The following ATXN10 variants were observed in gnomAD, a reference collection of about 807,000 sequenced individuals.
ATXN10 encodes the protein ataxin-10.
ATXN10 carries 28 observed loss-of-function variants against 52.9 expected under a neutral mutation model. The observed-to-expected ratio is 0.53, with a 90% CI of 0.39 to 0.73. ATXN10 has a LOEUF of 0.73. ATXN10 is among the 30% of genes least tolerant of loss of function. The pLI is 0.00. For missense variants in ATXN10, 565 were observed against 577.0 expected, an observed-to-expected ratio of 0.98 and a Z score of 0.21; for synonymous variants, 226 against 221.5, an observed-to-expected ratio of 1.02 and a Z score of -0.18.
Position 45,789,581 on chromosome 22 carries a change from C to T in ATXN10, c.1174-17378C>T, listed in dbSNP as rs1293335980. ...GCCCTGGGAAGGCGCCAGTGAAGGG[C>T]CTGGAAAAGTTAGGGGTTAGTATGT... On this transcript the variant is annotated intron_variant, in intron 9 of 11. Transcript: ENST00000252934. This position sits in a 1 kb window ranked among gnomAD's most constrained non-coding sequence, Gnocchi z 4.0. 1.3e-5 allele frequency among the ~76,000 whole-genome samples: 2 copies of T among 152,172 alleles called. No homozygotes were observed. Among genetic ancestry groups the T allele is most frequent in the East Asian group, 1.9e-4 (1 of 5,196 alleles).
chr22:45,771,948 T>C (rs1432169821), intron 9 of ATXN10, among the ~76,000 whole-genome samples: 1 of 152,222 alleles, frequency 6.6e-6, no homozygotes. Context: ...TTGTAGAATT[T>C]TGAGCATTCT....
chr22:45,822,680 G>A (rs563844611), intron 10 of ATXN10, among the ~76,000 whole-genome samples: 22 of 151,924 alleles, frequency 1.4e-4, no homozygotes, highest in Admixed American at 1.0e-3. Flanking sequence ...ACAGGTGCCC[G>A]CCACCACACC....
At chr22:45,811,717 C>T (rs1336126416) in intron 10 of ATXN10, 1 of 471,182 alleles carries the variant, frequency 2.1e-6, no homozygotes, top group Non-Finnish European at 4.4e-6. Context: ...CCAGTCCACA[C>T]TTGCATCATT....
intron 2 of ATXN10, among the ~76,000 whole-genome samples, chr22:45,691,995 CTGAG>C (rs1191676719): frequency 6.6e-6 from 1 of 152,202 alleles, no homozygotes; most frequent in Non-Finnish European, 1.5e-5. Flanking sequence ...CTTGGTCTTC[CTGAG>C]TATCAGTTTT....
Position 45,678,118 on chromosome 22 carries a change from A to G in ATXN10, c.116+5939A>G, listed in dbSNP as rs1272223274. 1.3e-5 allele frequency: 2 copies of G among 152,236 alleles called. No homozygotes were observed. Among genetic ancestry groups the G allele is most frequent in the South Asian group, 2.1e-4 (1 of 4,830 alleles). The allele number at this position is 152,236 out of a possible 1,614,324, so 9.4% of individuals were successfully genotyped here. A position where few individuals can be genotyped will look rare whatever the true frequency, so the allele number is the denominator to read the frequency against. ...ACTGCTTCATGTTTACAGAGTTTCT[A>G]TTTGGGTGTTAAAAAAAATTTTGGA... On this transcript the variant is annotated intron_variant, in intron 1 of 11. Transcript: ENST00000252934. This position sits in a 1 kb window ranked among gnomAD's most constrained non-coding sequence, Gnocchi z 4.1.
At position 45,672,287 on chromosome 22, in the gene ATXN10, G is replaced by A. The variant is rs1366853705; in HGVS notation, c.116+108G>A. ...CCGCCCCCGCCTCGCTGGAGACGCG[G>A]AGGGCGAGGCCTGCGCGGGCTGCCT... is the stretch of plus-strand genomic sequence containing the variant. On this transcript the variant is annotated intron_variant, in intron 1 of 11. Coordinates refer to ENST00000252934, the MANE Select transcript of ATXN10 (RefSeq NM_013236.4). 3 of 1,165,582 alleles carry A rather than the reference G, an allele frequency of 2.6e-6. No individual in the cohort carries two copies. In the South Asian group the frequency reaches 9.3e-5, roughly 36 times the overall value. 72.2% of individuals were successfully genotyped at this position (1,165,582 alleles called of 1,614,324 possible). A position where few individuals can be genotyped will look rare whatever the true frequency, so the allele number is the denominator to read the frequency against.
Position 45,693,018 on chromosome 22 carries a change from G to A in ATXN10, c.331G>A (p.Ala111Thr). 1 of 1,614,102 alleles carries A rather than the reference G, an allele frequency of 6.2e-7. No homozygotes were observed. Among genetic ancestry groups the A allele is most frequent in the Non-Finnish European group, 8.5e-7 (1 of 1,179,998 alleles). ...SIRNLDTIGV[A>T]VDLILLFREL... is the part of the protein sequence containing the mutation. ...CAGGAACTTGGATACGATTGGTGTTGCTGTTGATTTGATTCTTCTGTTTCG... is the reference window on the plus strand; with the variant it reads ...CAGGAACTTGGATACGATTGGTGTTACTGTTGATTTGATTCTTCTGTTTCG... The change falls in exon 3 of 12, where the codon GCT becomes ACT. Residue 111 changes from alanine (A) to threonine (T), a missense_variant. Coordinates refer to ENST00000252934, the MANE Select transcript of ATXN10 (RefSeq NM_013236.4).
chr22:45,793,927 G>T (rs1298784464), intron 9 of ATXN10: 3 of 1,177,440 alleles, frequency 2.5e-6, no homozygotes, highest in Non-Finnish European at 2.1e-6. Flanking sequence ...GCAGAGCAGG[G>T]CTGCCCTATA....
Position 45,677,791 on chromosome 22 carries a change from T to G in ATXN10, c.116+5612T>G, listed in dbSNP as rs1922761428. On this transcript the variant is annotated intron_variant, in intron 1 of 11. Transcript: ENST00000252934. This position sits in a 1 kb window ranked among gnomAD's most constrained non-coding sequence, Gnocchi z 4.1. ...ACTGCATGCCGTTTAGGATGGCTAT[T>G]ATCCAAAAAATGGAAAAGAACAAGT... 6.6e-6 allele frequency: 1 copy of G among 152,194 alleles called. No homozygotes were observed. The highest frequency in any genetic ancestry group is 2.4e-5 in the African/African-American group (1 of 41,460). The allele number at this position is 152,194 out of a possible 1,614,324, so 9.4% of individuals were successfully genotyped here.
intron 7 of ATXN10, among the ~76,000 whole-genome samples, chr22:45,737,858 G>C (rs566191177): frequency 1.3e-5 from 2 of 151,586 alleles, no homozygotes; most frequent in African/African-American, 4.8e-5. Context: ...ACCACCAAGC[G>C]TGGCTAATTT....
chr22:45,751,763 A>AATAATAATAAT (rs1925975532), intron 9 of ATXN10, among the ~76,000 whole-genome samples: 17 of 66,620 alleles, frequency 2.6e-4, no homozygotes, highest in Non-Finnish European at 4.4e-4. Context: ...AATAAAAAAA[A>AATAATAATAAT]AATAATAATA....
chr22:45,673,106 A>C (rs1922536947), intron 1 of ATXN10: 1 of 152,236 alleles, frequency 6.6e-6, no homozygotes. Context: ...ATGCATATTA[A>C]ATCCTTAGGA....
chr22:45,760,289 T>C (rs1471608970), intron 9 of ATXN10, among the ~76,000 whole-genome samples: 1 of 152,174 alleles, frequency 6.6e-6, no homozygotes, highest in Non-Finnish European at 1.5e-5. Context: ...CTCATTAATA[T>C]GGGACTCTGT....
rs11702966 is a variant in ATXN10, at chr22:45,780,795, C to G, written c.1174-26164C>G. ...TACGTTGGCAATTGGACTTGGGATTCTGGATTAAGGTGGTGCAGATGCACT... is the reference window on the plus strand; with the variant it reads ...TACGTTGGCAATTGGACTTGGGATTGTGGATTAAGGTGGTGCAGATGCACT... On this transcript the variant is annotated intron_variant, in intron 9 of 11. Transcript: ENST00000252934. The surrounding 1 kb of genome is among the most constrained non-coding windows in gnomAD (Gnocchi z 4.0). Among the ~76,000 whole-genome samples the G allele has an allele frequency of 0.088, 13,328 of 152,254 alleles. 753 individuals are homozygous for G. Among genetic ancestry groups the G allele is most frequent in the Middle Eastern group, 0.16 (46 of 294 alleles).
chr22:45,692,664 C>CT (rs1386209365), intron 2 of ATXN10, among the ~76,000 whole-genome samples: 1 of 152,132 alleles, frequency 6.6e-6, no homozygotes, highest in Non-Finnish European at 1.5e-5. Flanking sequence ...AAGCCTAGAT[C>CT]TTTTTACATC....
rs1222189845 is a variant in ATXN10, at chr22:45,823,194, C to T, written c.1237+16172C>T. 2 of 471,778 alleles carry T rather than the reference C, an allele frequency of 4.2e-6. No homozygotes were observed. The highest frequency in any genetic ancestry group is 4.7e-5 in the Admixed American group (2 of 42,586). The allele number at this position is 471,778 out of a possible 1,614,324, so 29.2% of individuals were successfully genotyped here. A position where few individuals can be genotyped will look rare whatever the true frequency, so the allele number is the denominator to read the frequency against. On this transcript the variant is annotated intron_variant, in intron 10 of 11. Coordinates refer to ENST00000252934, the MANE Select transcript of ATXN10 (RefSeq NM_013236.4). The surrounding 1 kb of genome is among the most constrained non-coding windows in gnomAD (Gnocchi z 4.9). ...GGCGGCTTCTTGAGTGTCCCGTCTC[C>T]CTCACTGCCAATCCCCAGATGTAAC...
At chr22:45,753,047 TTTA>T (rs1264131216) in intron 9 of ATXN10, among the ~76,000 whole-genome samples, 1 of 152,138 alleles carries the variant, frequency 6.6e-6, no homozygotes, top group Non-Finnish European at 1.5e-5. Context: ...CAACTTATTT[TTTA>T]TTGTGTTGTC....
chr22:45,682,542 T>G (rs1215098734), intron 1 of ATXN10, among the ~76,000 whole-genome samples: 1 of 152,162 alleles, frequency 6.6e-6, no homozygotes, highest in Non-Finnish European at 1.5e-5. Flanking sequence ...ACTCCTGGCC[T>G]CAGGTGATCC....
rs1372686218 is a variant in ATXN10 at position 45,784,836 on chromosome 22, G to A, written c.1174-22123G>A. On this transcript the variant is annotated intron_variant, in intron 9 of 11. Coordinates refer to ENST00000252934, the MANE Select transcript of ATXN10 (RefSeq NM_013236.4). The surrounding 1 kb of genome is among the most constrained non-coding windows in gnomAD (Gnocchi z 4.2). ...GGGCAAGCTGATCAACAGTTTCCAG[G>A]GCATTATTTATTGATGGCAAGGAGC... is the stretch of plus-strand genomic sequence containing the variant. Among the ~76,000 whole-genome samples the A allele has an allele frequency of 6.6e-6, 1 of 152,042 alleles. No homozygotes were observed. The highest frequency in any genetic ancestry group is 2.4e-5 in the African/African-American group (1 of 41,364).
Sources: allele counts gnomAD v4.1 joint callset (sites outside exome capture counted in the v4.1 genomes callset), GRCh38; gene constraint gnomAD v4.1.1; non-coding constraint Gnocchi (gnomAD v3.1); transcripts MANE v1.5; gene names NCBI Gene and HGNC (gene_info 2026-07-23, HGNC 2026-07-21).